Variants in GLCE observed in about 807,000 individuals in gnomAD.
GLCE encodes glucuronic acid epimerase.
GLCE carries 19 observed loss-of-function variants against 47.9 expected under a neutral mutation model. The observed-to-expected ratio is 0.40, with a 90% CI of 0.28 to 0.58. The LOEUF (loss-of-function observed/expected upper bound fraction) is 0.58, where lower values mean the gene tolerates loss of function less well. Ranked by LOEUF, GLCE falls within the 20% of genes least tolerant of loss-of-function variation. The pLI, the probability that GLCE is intolerant of heterozygous loss-of-function variation, is 0.48. For missense variants in GLCE, 556 were observed against 743.3 expected (o/e 0.75, Z 2.93); for synonymous variants, 245 against 263.4 (o/e 0.93, Z 0.68).
At chr15:69,244,834 T>C (rs1454823619) in intron 2 of GLCE, among the ~76,000 whole-genome samples, 1 of 152,226 alleles carries the variant, frequency 6.6e-6, no homozygotes, top group African/African-American at 2.4e-5. Context: ...CCTTATGCCT[T>C]AGTCTTTTCA....
rs187158747 is a variant in GLCE, at chr15:69,184,906, C to G, written c.-105+24149C>G. Reference sequence around the variant, plus strand: ...GACAACCTTAACCAGAGGCCACCAGCAAACCTCTTCTACCTCTTCTCCTAT... The same window carrying G: ...GACAACCTTAACCAGAGGCCACCAGGAAACCTCTTCTACCTCTTCTCCTAT... On this transcript the variant is annotated intron_variant, in intron 1 of 4. Coordinates refer to ENST00000261858, the MANE Select transcript of GLCE (RefSeq NM_015554.3). Among the ~76,000 whole-genome samples the G allele has an allele frequency of 5.3e-4, 80 of 152,308 alleles. 1 individual carries two copies. The highest frequency in any genetic ancestry group is 9.7e-4 in the Non-Finnish European group (66 of 68,018).
intron 4 of GLCE, among the ~76,000 whole-genome samples, chr15:69,262,172 G>C (rs1380643991): frequency 6.6e-6 from 1 of 152,158 alleles, no homozygotes; most frequent in Non-Finnish European, 1.5e-5. Flanking sequence ...TACAGACCCT[G>C]AAAGCCACAA....
At chr15:69,247,027 G>A (rs1385962492) in intron 2 of GLCE, among the ~76,000 whole-genome samples, 2 of 152,106 alleles carry the variant, frequency 1.3e-5, no homozygotes, top group Non-Finnish European at 2.9e-5. Context: ...ATTCTTAAGG[G>A]CTCTAGTATT....
intron 2 of GLCE, among the ~76,000 whole-genome samples, chr15:69,252,471 C>T (rs2052858506): frequency 6.6e-6 from 1 of 152,182 alleles, no homozygotes; most frequent in Non-Finnish European, 1.5e-5. Context: ...CATTCATCAT[C>T]AAGGGGATGG....
chr15:69,216,459 A>G (rs2052308241), intron 2 of GLCE, among the ~76,000 whole-genome samples: 1 of 152,168 alleles, frequency 6.6e-6, no homozygotes, highest in South Asian at 2.1e-4. Flanking sequence ...GCAACTTAAA[A>G]TACTTAGGAC....
chr15:69,234,389 A>G (rs1005588133), intron 2 of GLCE, among the ~76,000 whole-genome samples: 1 of 152,270 alleles, frequency 6.6e-6, no homozygotes, highest in Non-Finnish European at 1.5e-5. Context: ...TTGGGAAGAA[A>G]GACAGAAAGT....
chr15:69,197,722 T>C (rs1214373377), intron 1 of GLCE, among the ~76,000 whole-genome samples: 2 of 152,138 alleles, frequency 1.3e-5, no homozygotes, highest in African/African-American at 2.4e-5. Flanking sequence ...TTGGTTGATA[T>C]GGATTCAGGA....
At chr15:69,178,978 G>GT (rs1038996904) in intron 1 of GLCE, among the ~76,000 whole-genome samples, 52 of 152,186 alleles carry the variant, frequency 3.4e-4, no homozygotes, top group African/African-American at 1.2e-3. Flanking sequence ...ACATTATTGG[G>GT]TTAAAAAAAA....
intron 2 of GLCE, among the ~76,000 whole-genome samples, chr15:69,240,946 A>G (rs2140418352): frequency 6.6e-6 from 1 of 152,348 alleles, no homozygotes; most frequent in Middle Eastern, 3.4e-3. Flanking sequence ...ATGAAGGATG[A>G]CCTGAGCCTG....
intron 3 of GLCE, 65 bp from the exon 4 acceptor site, chr15:69,261,022 A>C: frequency 7.0e-7 from 1 of 1,420,532 alleles, no homozygotes; most frequent in African/African-American, 1.4e-5. Flanking sequence ...TCAGTGAGGA[A>C]TGGTATTAGG....
chr15:69,240,459 T>A (rs182540070), intron 2 of GLCE, among the ~76,000 whole-genome samples: 2 of 152,182 alleles, frequency 1.3e-5, no homozygotes, highest in Non-Finnish European at 1.5e-5. Flanking sequence ...AACATTTTTT[T>A]ATGCTTGTAG....
chr15:69,200,178 G>GTA (rs2052057817), intron 1 of GLCE, among the ~76,000 whole-genome samples: 1 of 152,000 alleles, frequency 6.6e-6, no homozygotes, highest in African/African-American at 2.4e-5. Flanking sequence ...TCTGTGTTGT[G>GTA]GCATGCTCTG....
intron 2 of GLCE, among the ~76,000 whole-genome samples, chr15:69,241,548 A>G (rs1341021190): frequency 1.3e-5 from 2 of 152,216 alleles, no homozygotes; most frequent in Non-Finnish European, 2.9e-5. Flanking sequence ...GCAAAAATCA[A>G]TATGCTAGTG....
chr15:69,203,716 G>T (rs1566954999), intron 1 of GLCE, among the ~76,000 whole-genome samples: 1 of 151,944 alleles, frequency 6.6e-6, no homozygotes, highest in African/African-American at 2.4e-5. Flanking sequence ...GACAAGAAAA[G>T]ACCTTAAGGC....
chr15:69,198,509 G>A (rs546630864), intron 1 of GLCE, among the ~76,000 whole-genome samples: 15 of 152,246 alleles, frequency 9.9e-5, no homozygotes, highest in Non-Finnish European at 2.1e-4. Context: ...TCATAAGGCA[G>A]GATTCATTTC....
chr15:69,238,290 A>G (rs2140414769), intron 2 of GLCE, among the ~76,000 whole-genome samples: 1 of 152,328 alleles, frequency 6.6e-6, no homozygotes, highest in Non-Finnish European at 1.5e-5. Context: ...TTGGAGCCAT[A>G]ATATGATACT....
intron 1 of GLCE, among the ~76,000 whole-genome samples, chr15:69,186,246 C>G (rs1340370005): frequency 6.6e-6 from 1 of 152,040 alleles, no homozygotes; most frequent in Non-Finnish European, 1.5e-5. Flanking sequence ...TTAAGACCCA[C>G]TGTCAGAGAG....
intron 2 of GLCE, among the ~76,000 whole-genome samples, chr15:69,229,229 T>G (rs1431481664): frequency 6.6e-6 from 1 of 152,244 alleles, no homozygotes; most frequent in African/African-American, 2.4e-5. Context: ...CTTAATAATT[T>G]GGCTTTAAAG....
chr15:69,219,118 A>T (rs2052346145), intron 2 of GLCE, among the ~76,000 whole-genome samples: 2 of 152,058 alleles, frequency 1.3e-5, no homozygotes, highest in South Asian at 4.1e-4. Context: ...TTCATGTAGA[A>T]TTGTCAGTTG....
Sources: allele counts gnomAD v4.1 joint callset (sites outside exome capture counted in the v4.1 genomes callset), GRCh38; gene constraint gnomAD v4.1.1; transcripts MANE v1.5; gene names NCBI Gene and HGNC (gene_info 2026-07-23, HGNC 2026-07-21).